The following ELFN1 variants were observed in gnomAD, a reference collection of about 807,000 sequenced individuals.
The protein encoded by ELFN1 is protein ELFN1.
In ELFN1, 6 loss-of-function variants were observed where a neutral mutation model predicts 7.6. The ratio of observed to expected loss-of-function variants is 0.79; its 90% CI spans 0.43 to 1.56. The LOEUF is 1.56. Ranked by LOEUF, ELFN1 falls within the 40% of genes most tolerant of loss-of-function variation. The probability of loss-of-function intolerance (pLI) is 0.01; values close to 1 mark genes in which losing one functional copy is unlikely to be tolerated. For missense variants in ELFN1, 1,169 were observed against 1,232.2 expected (o/e 0.95, Z 0.77); for synonymous variants, 657 against 588.1 (o/e 1.12, Z -1.70).
intron 2 of ELFN1, among the ~76,000 whole-genome samples, chr7:1,707,078 G>A (rs890568081): frequency 6.6e-5 from 10 of 152,250 alleles, no homozygotes; most frequent in Non-Finnish European, 1.5e-4. Flanking sequence ...GCTTGCGACG[G>A]TAATGGAGAG....
intron 1 of ELFN1, among the ~76,000 whole-genome samples, 183 bp from the exon 2 acceptor site, chr7:1,687,875 A>G (rs1031355811): frequency 1.3e-5 from 2 of 151,794 alleles, no homozygotes; most frequent in East Asian, 1.9e-4. Context: ...TTTAAAAGTC[A>G]TATTTGTCTT....
chr7:1,691,458 G>A (rs1049185603), intron 2 of ELFN1, among the ~76,000 whole-genome samples: 6 of 152,190 alleles, frequency 3.9e-5, no homozygotes, highest in South Asian at 2.1e-4. Context: ...TGAGATATTC[G>A]GTTGGGTAAG....
chr7:1,714,167 CCT>C (rs1779756510), intron 3 of ELFN1, among the ~76,000 whole-genome samples: 1 of 152,202 alleles, frequency 6.6e-6, no homozygotes, highest in South Asian at 2.1e-4. Flanking sequence ...CCAGCCTACG[CCT>C]CTGAGGTTGC....
upstream of ELFN1, among the ~76,000 whole-genome samples, chr7:1,667,212 C>T (rs973144418): frequency 6.6e-6 from 1 of 151,986 alleles, no homozygotes; most frequent in African/African-American, 2.4e-5. The surrounding 1 kb of genome is among the most constrained non-coding windows in gnomAD (Gnocchi z 8.2). Flanking sequence ...ATCTCAGCAC[C>T]ATTCCCGACC....
At chr7:1,723,525 A>G (rs972585951) in intron 3 of ELFN1, among the ~76,000 whole-genome samples, 6 of 152,136 alleles carry the variant, frequency 3.9e-5, no homozygotes, top group African/African-American at 1.4e-4. Flanking sequence ...ATAGTACTCC[A>G]TCGGGCCCAC....
At chr7:1,720,739 C>A (rs1160406451) in intron 3 of ELFN1, among the ~76,000 whole-genome samples, 1 of 151,398 alleles carries the variant, frequency 6.6e-6, no homozygotes, top group African/African-American at 2.4e-5. Flanking sequence ...CACCCCCCAC[C>A]CCCCGCACCT....
chr7:1,746,688 C>T lies in ELFN1; in HGVS notation c.2092C>T (p.Arg698Cys), dbSNP rs1392614998. 2.8e-6 allele frequency: 4 copies of T among 1,436,860 alleles called. No individual in the cohort carries two copies. Among genetic ancestry groups the T allele is most frequent in the Non-Finnish European group, 2.7e-6 (3 of 1,101,694 alleles). The allele number at this position is 1,436,860 out of a possible 1,614,324, so 89.0% of individuals were successfully genotyped here. ...AVLRAEAEKGRQYGEHRHSYP... is the reference protein window; with the variant it reads ...AVLRAEAEKGCQYGEHRHSYP... ...GCTGCGGGCCGAGGCCGAGAAGGGT[C>T]GCCAGTACGGCGAGCACCGGCACTC... is the stretch of plus-strand genomic sequence containing the variant. Residue 698 changes from arginine (R) to cysteine (C), a missense_variant, in exon 4 of 4, where the codon CGC (arginine) becomes TGC (cysteine). By Grantham distance (180) the Arg-to-Cys change is radical (BLOSUM62 -3). Transcript: ENST00000424383.
intron 3 of ELFN1, among the ~76,000 whole-genome samples, chr7:1,743,819 C>A (rs1451568139): frequency 6.6e-6 from 1 of 152,232 alleles, no homozygotes; most frequent in Admixed American, 6.5e-5. Flanking sequence ...AGGCACCGTG[C>A]CCAGTGAGGG....
At chr7:1,729,295 C>T (rs1359905903) in intron 3 of ELFN1, among the ~76,000 whole-genome samples, 1 of 152,244 alleles carries the variant, frequency 6.6e-6, no homozygotes, top group African/African-American at 2.4e-5. Context: ...CCTCCACTGT[C>T]CCACAAAGTC....
At chr7:1,692,388 G>C (rs1779186220) in intron 2 of ELFN1, 1 of 152,518 alleles carries the variant, frequency 6.6e-6, no homozygotes, top group African/African-American at 2.4e-5. Flanking sequence ...AGGGCTCACG[G>C]CAGTGTAGGG....
chr7:1,682,859 A>G (rs1318688208), intron 1 of ELFN1, among the ~76,000 whole-genome samples: 4 of 152,158 alleles, frequency 2.6e-5, no homozygotes, highest in Non-Finnish European at 5.9e-5. Context: ...GATGGTCTTT[A>G]TCAGGTTGAG....
In ELFN1 at chr7:1,745,621, T is replaced by G. The variant is rs1780757956; in HGVS notation, c.1025T>G (p.Met342Arg). 1.9e-6 allele frequency: 3 copies of G among 1,550,986 alleles called. No individual in the cohort carries two copies. The highest frequency in any genetic ancestry group is 1.7e-4 in the Middle Eastern group (1 of 6,014). The change falls in exon 4 of 4, where the codon ATG (methionine) becomes AGG (arginine). Residue 342 changes from methionine to arginine, a missense_variant. Met to Arg is a moderately conservative substitution (Grantham distance 91). Coordinates refer to ENST00000424383, the MANE Select transcript of ELFN1 (RefSeq NM_001128636.4). ...CAGCTGCCCAGCCCGTTCCACCGGA[T>G]GTACACCCTGGAGCATTTCAACAAC... ...TVQLPSPFHR[M>R]YTLEHFNNSK...
chr7:1,701,905 C>T (rs1359427450), intron 2 of ELFN1, among the ~76,000 whole-genome samples: 2 of 152,122 alleles, frequency 1.3e-5, no homozygotes, highest in African/African-American at 4.8e-5. Flanking sequence ...GCTCTGTAAT[C>T]AGCCTGGAGT....
intron 3 of ELFN1, among the ~76,000 whole-genome samples, chr7:1,712,042 A>G (rs1393184575): frequency 6.6e-6 from 1 of 152,190 alleles, no homozygotes; most frequent in Non-Finnish European, 1.5e-5. Context: ...GCCGTTGGGG[A>G]TGGGACAGTG....
chr7:1,746,153 G>A lies in ELFN1; in HGVS notation c.1557G>A (p.Lys519=), dbSNP rs1780779520. 8 of 1,549,336 alleles carry A rather than the reference G, an allele frequency of 5.2e-6. No homozygotes were observed. The highest frequency in any genetic ancestry group is 7.0e-6 in the Non-Finnish European group (8 of 1,146,412). Residue 519 remains lysine (K), a synonymous_variant, in exon 4 of 4, where the codon AAG becomes AAA. Transcript: ENST00000424383. ...TGGTGGAGAGCGCGGACACCCCCAA[G>A]GCCAGCAAGGGCAGCTACATGGAGG... ...YKLVESADTP[K]ASKGSYMEVR... is the part of the protein sequence containing the mutation.
At chr7:1,693,642 A>T (rs1225775091) in intron 2 of ELFN1, 1 of 471,214 alleles carries the variant, frequency 2.1e-6, no homozygotes, top group Non-Finnish European at 4.4e-6. Flanking sequence ...AGTCCGTGTG[A>T]ACACATGCAG....
chr7:1,678,805 A>G (rs1328426430), intron 1 of ELFN1, among the ~76,000 whole-genome samples: 1 of 152,154 alleles, frequency 6.6e-6, no homozygotes, highest in Non-Finnish European at 1.5e-5. Flanking sequence ...CTTGGTGACT[A>G]CCCGGCTTAG....
chr7:1,734,469 A>G (rs986294511), intron 3 of ELFN1, among the ~76,000 whole-genome samples: 2 of 152,194 alleles, frequency 1.3e-5, no homozygotes, highest in Admixed American at 6.5e-5. Context: ...GCCCAGAGGT[A>G]GGATGGCAGA....
In ELFN1 at chr7:1,745,648, G is replaced by A; in HGVS notation, c.1052G>A (p.Ser351Asn). ...RMYTLEHFNN[S>N]KASTVSRLTK... is the part of the protein sequence containing the mutation. ...TACACCCTGGAGCATTTCAACAACA[G>A]CAAGGCCTCCACCGTGTCCAGGCTG... Residue 351 changes from serine (S) to asparagine (N), a missense_variant, in exon 4 of 4, where the codon AGC (serine) becomes AAC (asparagine). By Grantham distance (46) the Ser-to-Asn change is conservative. Around this residue, in one of 2 missense-constraint regions of ELFN1, gnomAD observed 914 missense variants for 872.6 expected, o/e 1.05. Transcript: ENST00000424383. The A allele has an allele frequency of 1.3e-6, 2 of 1,551,252 alleles. No homozygotes were observed. The highest frequency in any genetic ancestry group is 2.4e-5 in the East Asian group (1 of 40,904).
Sources: allele counts gnomAD v4.1 joint callset (sites outside exome capture counted in the v4.1 genomes callset), GRCh38; gene constraint gnomAD v4.1.1; regional missense constraint gnomAD v4.1.1; non-coding constraint Gnocchi (gnomAD v3.1); transcripts MANE v1.5; gene names NCBI Gene and HGNC (gene_info 2026-07-23, HGNC 2026-07-21).